Variants in SLC9A7 observed in about 807,000 individuals in gnomAD.
SLC9A7 encodes the protein sodium/hydrogen exchanger 7.
Under a neutral mutation model 52.6 loss-of-function variants are expected in SLC9A7, and 19 were observed. The ratio of observed to expected loss-of-function variants is 0.36; its 90% CI spans 0.25 to 0.53. The LOEUF is 0.53. Ranked by LOEUF, SLC9A7 falls within the 20% of genes least tolerant of loss-of-function variation. SLC9A7 has a pLI of 0.91. For synonymous variants in SLC9A7, 226 were observed against 252.1 expected, an observed-to-expected ratio of 0.90 and a Z score of 0.98; for missense variants, 455 against 597.9, an observed-to-expected ratio of 0.76 and a Z score of 2.49.
Position 46,662,605 on chromosome X carries a change from C to T in SLC9A7, c.832G>A (p.Val278Met), listed in dbSNP as rs745942216. The change falls in exon 6 of 17, where the codon GTG (valine) becomes ATG (methionine). Residue 278 changes from valine (V) to methionine (M), a missense_variant. By Grantham distance (21) the Val-to-Met change is conservative. Transcript: ENST00000616978. ...CCAAAAAGAAGTGCGTAAAGATCCA[C>T]GTCTGCATGCAATTCATTAAATATC... ...LAIFNELHAD[V>M]DLYALLFGES... 1.7e-6 allele frequency: 2 copies of T among 1,209,619 alleles called. No individual in the cohort carries two copies. Among genetic ancestry groups the T allele is most frequent in the Non-Finnish European group, 2.2e-6 (2 of 893,663 alleles).
intron 15 of SLC9A7, among the ~76,000 whole-genome samples, chrX:46,614,983 C>T (rs1942920610): frequency 8.9e-6 from 1 of 112,492 alleles, no homozygotes. Flanking sequence ...GACACTGGAG[C>T]ATGCTTCTAG....
chrX:46,633,372 A>AAAAAAAAAAC lies in SLC9A7; in HGVS notation c.1677-1733_1677-1724dup, dbSNP rs1387610214. Among the ~76,000 whole-genome samples, 5 of 99,345 alleles carry AAAAAAAAAAC rather than the reference A, an allele frequency of 5.0e-5. 1 individual carries two copies. The highest frequency in any genetic ancestry group is 1.0e-4 in the Non-Finnish European group (5 of 49,432). 86.3% of individuals were successfully genotyped at this position (99,345 alleles called of 115,157 possible). A position where few individuals can be genotyped will look rare whatever the true frequency, so the allele number is the denominator to read the frequency against. On this transcript the variant is annotated intron_variant, in intron 13 of 16. Coordinates refer to ENST00000616978, the MANE Select transcript of SLC9A7 (RefSeq NM_001257291.2). ...AAAAAAAAAAAAAAAAAAAAAAAAA[A>AAAAAAAAAAC]AAAAAAAAACAGATCGGGGCCGTGA...
chrX:46,637,411 C>T (rs1278679761), intron 12 of SLC9A7, among the ~76,000 whole-genome samples: 1 of 112,555 alleles, frequency 8.9e-6, no homozygotes, highest in African/African-American at 3.2e-5. Context: ...CTTCTCCCTG[C>T]CTTTATTCCT....
In SLC9A7 at chrX:46,635,523, T is replaced by A; in HGVS notation, c.1676+66A>T. 4 of 884,859 alleles carry A rather than the reference T, an allele frequency of 4.5e-6. No homozygotes were observed. The South Asian group carries it at 8.3e-5, about 18-fold the overall frequency. The allele number at this position is 884,859 out of a possible 1,213,427, so 72.9% of individuals were successfully genotyped here. On this transcript the variant is annotated intron_variant, in intron 13 of 16. Transcript: ENST00000616978. ...GAGAAAAATAGTGTAAAGAGAAATA[T>A]CTGAGGTTAGAAAGAGGAGAAAAGC...
intron 7 of SLC9A7, among the ~76,000 whole-genome samples, chrX:46,655,169 G>C (rs1223569061): frequency 9.2e-6 from 1 of 109,184 alleles, no homozygotes; most frequent in African/African-American, 3.3e-5. Flanking sequence ...ATTTTTAGTA[G>C]AGACAGGGTT....
At chrX:46,659,945 C>T (rs1943782833) in intron 7 of SLC9A7, among the ~76,000 whole-genome samples, 1 of 110,772 alleles carries the variant, frequency 9.0e-6, no homozygotes, top group South Asian at 3.8e-4. Context: ...AAGCTGGAGG[C>T]ATCACGCTAC....
At chrX:46,685,233 G>C (rs1424128662) in intron 1 of SLC9A7, 1 of 112,169 alleles carries the variant, frequency 8.9e-6, no homozygotes, top group Admixed American at 9.5e-5. Flanking sequence ...TACTGCATCT[G>C]TACTGCCTGG....
chrX:46,631,780 G>A (rs1051045635), intron 13 of SLC9A7, 131 bp from the exon 14 acceptor site: 2 of 491,060 alleles, frequency 4.1e-6, no homozygotes, highest in Admixed American at 3.4e-5. Context: ...TTAGCTAAAA[G>A]GTGAGGAAAG....
At chrX:46,675,632 CT>C in intron 3 of SLC9A7, among the ~76,000 whole-genome samples, 1 of 112,247 alleles carries the variant, frequency 8.9e-6, no homozygotes, top group Non-Finnish European at 1.9e-5. Context: ...CTCCTTTCAT[CT>C]GCTCCTTTTT....
intron 1 of SLC9A7, among the ~76,000 whole-genome samples, chrX:46,690,153 A>G (rs1379707652): frequency 8.9e-6 from 1 of 111,961 alleles, no homozygotes; most frequent in Non-Finnish European, 1.9e-5. Context: ...CTTGGAACCA[A>G]CCCAAATGCC....
chrX:46,660,720 A>C (rs1429845110), intron 7 of SLC9A7, among the ~76,000 whole-genome samples: 1 of 109,196 alleles, frequency 9.2e-6, no homozygotes, highest in African/African-American at 3.4e-5. Context: ...GTCAGGAAAC[A>C]ACAGGTGCTG....
In SLC9A7 at chrX:46,606,753, T is replaced by G; in HGVS notation, c.*199A>C. The G allele has an allele frequency of 9.2e-7, 1 of 1,089,595 alleles. No individual in the cohort carries two copies. Among genetic ancestry groups the G allele is most frequent in the Non-Finnish European group, 1.2e-6 (1 of 838,297 alleles). 89.8% of individuals were successfully genotyped at this position (1,089,595 alleles called of 1,213,427 possible). ...GAAAAAAGTGGGAATAGGTCTACGT[T>G]TGTCTGAATTTAGAGACACTTTTGC... On this transcript the variant is annotated 3_prime_UTR_variant, in exon 17 of 17. Coordinates refer to ENST00000616978, the MANE Select transcript of SLC9A7 (RefSeq NM_001257291.2).
At chrX:46,754,192 C>A (rs1303050479) in intron 1 of SLC9A7, among the ~76,000 whole-genome samples, 3 of 111,244 alleles carry the variant, frequency 2.7e-5, no homozygotes, top group Non-Finnish European at 5.7e-5. Context: ...ATCACAAAGC[C>A]TAAAATGAGA....
intron 1 of SLC9A7, among the ~76,000 whole-genome samples, chrX:46,734,752 T>C (rs1569524875): frequency 1.8e-5 from 2 of 111,218 alleles, no homozygotes; most frequent in African/African-American, 6.6e-5. Flanking sequence ...GAGTTATAAT[T>C]CACATCCCAC....
intron 16 of SLC9A7, among the ~76,000 whole-genome samples, chrX:46,610,281 G>T (rs747454622): frequency 6.1e-4 from 69 of 112,781 alleles, no homozygotes; most frequent in Admixed American, 1.4e-3. Flanking sequence ...ATTTTCAAAA[G>T]TGAAAGAACA....
chrX:46,710,047 A>G (rs1249209476), intron 1 of SLC9A7, among the ~76,000 whole-genome samples: 1 of 112,553 alleles, frequency 8.9e-6, no homozygotes, highest in African/African-American at 3.2e-5. Flanking sequence ...TTTGCCTTCT[A>G]ACTTTTGAAT....
chrX:46,748,963 A>G (rs980287963), intron 1 of SLC9A7, among the ~76,000 whole-genome samples: 3 of 111,483 alleles, frequency 2.7e-5, no homozygotes, highest in Non-Finnish European at 5.7e-5. Context: ...TGTATATTTT[A>G]CCAAAAAAAA....
chrX:46,729,968 C>T (rs1187424356), intron 1 of SLC9A7, among the ~76,000 whole-genome samples: 1 of 111,263 alleles, frequency 9.0e-6, no homozygotes, highest in African/African-American at 3.3e-5. Context: ...TATTTTTTAA[C>T]CCTTGCCACT....
chrX:46,613,340 G>A lies in SLC9A7; in HGVS notation c.1878C>T (p.Pro626=), dbSNP rs142901343. Residue 626 remains proline, a synonymous_variant, in exon 16 of 17, where the codon CCC becomes CCT. Transcript: ENST00000616978. The stretch of plus-strand genomic sequence containing the variant: ...ATCGAGCTAGTAAGCCACACCAGGC[G>A]GGGAGCGTGGTGGTTAGTGGGGGAC... ...HSGPPLTTTL[P]AWCGLLARCL... is the part of the protein sequence containing the mutation. 6.1e-5 allele frequency: 73 copies of A among 1,206,513 alleles called. No individual in the cohort carries two copies. In the African/African-American group the frequency reaches 9.3e-4, roughly 15 times the overall value.
Sources: gnomAD v4.1 joint callset for allele counts (sites outside exome capture counted in the v4.1 genomes callset) on GRCh38, gnomAD v4.1.1 for gene constraint, MANE v1.5 for transcripts, NCBI Gene and HGNC (gene_info 2026-07-23, HGNC 2026-07-21) for gene names.